The following RBFOX1 variants were observed in gnomAD, a reference collection of about 807,000 sequenced individuals.
RBFOX1 encodes the protein RNA binding protein fox-1 homolog 1.
A neutral mutation model predicts 57.7 loss-of-function variants in RBFOX1; 8 were observed. The ratio of observed to expected loss-of-function variants is 0.14; its 90% confidence interval spans 0.08 to 0.25. RBFOX1 has a LOEUF of 0.25. Ranked by LOEUF, RBFOX1 falls within the 10% of genes least tolerant of loss-of-function variation. The probability of loss-of-function intolerance (pLI) is 1.00; values close to 1 mark genes in which losing one functional copy is unlikely to be tolerated. For synonymous variants in RBFOX1, 326 were observed against 222.4 expected (o/e 1.47, Z -4.15); for missense variants, 611 against 548.5 (o/e 1.11, Z -1.14).
intron 3 of RBFOX1, among the ~76,000 whole-genome samples, chr16:5,775,145 CA>C (rs1470551832): frequency 6.6e-6 from 1 of 152,108 alleles, no homozygotes; most frequent in African/African-American, 2.4e-5. Flanking sequence ...TCCACACCCC[CA>C]AATCAGCTCA....
At chr16:5,752,133 G>A (rs1339873920) in intron 3 of RBFOX1, among the ~76,000 whole-genome samples, 1 of 152,168 alleles carries the variant, frequency 6.6e-6, no homozygotes, top group Non-Finnish European at 1.5e-5. Flanking sequence ...AAAATGAATG[G>A]CACTGGAGGC....
chr16:7,228,657 C>A (rs1421361995), intron 4 of RBFOX1, among the ~76,000 whole-genome samples: 2 of 152,176 alleles, frequency 1.3e-5, no homozygotes, highest in African/African-American at 4.8e-5. Context: ...TTTCTCTTTG[C>A]ACCTGATTGG....
At chr16:7,471,559 A>G (rs916037439) in intron 4 of RBFOX1, among the ~76,000 whole-genome samples, 5 of 152,130 alleles carry the variant, frequency 3.3e-5, no homozygotes, top group African/African-American at 1.2e-4. Flanking sequence ...GGACATTTCA[A>G]AAAAAATGAG....
rs74004679 is a variant in RBFOX1, at chr16:5,887,294, G to C, written c.351+19959G>C. ...GGCCCTGGACACCACAGCAGCCCCA[G>C]TGAATGTAACAACTAGAAATGATGC... On this transcript the variant is annotated intron_variant, in intron 4 of 19. Coordinates refer to the RBFOX1 transcript ENST00000641259. 5.9e-3 allele frequency among the ~76,000 whole-genome samples: 895 copies of C among 152,302 alleles called. 9 individuals are homozygous for C. Among genetic ancestry groups the C allele is most frequent in the African/African-American group, 0.02 (829 of 41,566 alleles).
At chr16:6,658,284 G>T (rs1048717648) in intron 3 of RBFOX1, among the ~76,000 whole-genome samples, 1 of 151,122 alleles carries the variant, frequency 6.6e-6, no homozygotes, top group Non-Finnish European at 1.5e-5. Context: ...CTCAAATCTG[G>T]ATTGCAGTGG....
chr16:6,857,486 C>T (rs2058120974), intron 3 of RBFOX1, among the ~76,000 whole-genome samples: 2 of 152,308 alleles, frequency 1.3e-5, no homozygotes, highest in African/African-American at 2.4e-5. Flanking sequence ...GGGTCTGACT[C>T]ATTGGGCATA....
intron 3 of RBFOX1, among the ~76,000 whole-genome samples, chr16:6,779,939 A>ATATATTTATATATATTTATATATATT (rs1567210458): frequency 1.3e-4 from 1 of 7,446 alleles, no homozygotes; most frequent in Non-Finnish European, 2.3e-4. Flanking sequence ...ATATATATTT[A>ATATATTTATATATATTTATATATATT]TATATATTTA....
intron 2 of RBFOX1, among the ~76,000 whole-genome samples, chr16:6,529,851 G>A (rs1402881166): frequency 6.6e-6 from 1 of 151,900 alleles, no homozygotes; most frequent in African/African-American, 2.4e-5. Context: ...CTAGTTTATT[G>A]AACAGAGTCA....
intron 3 of RBFOX1, among the ~76,000 whole-genome samples, chr16:6,965,383 C>A (rs1467967901): frequency 1.3e-5 from 2 of 151,636 alleles, no homozygotes; most frequent in Non-Finnish European, 2.9e-5. Flanking sequence ...TGGTCTGTTT[C>A]CCAGGCTGTA....
intron 2 of RBFOX1, among the ~76,000 whole-genome samples, chr16:5,490,757 C>G (rs1019830513): frequency 6.6e-6 from 1 of 152,138 alleles, no homozygotes; most frequent in Non-Finnish European, 1.5e-5. Flanking sequence ...ATGAAGCTGC[C>G]GCGCCCCCTG....
chr16:5,565,672 T>TAAATAAA (rs1567236405), intron 2 of RBFOX1, among the ~76,000 whole-genome samples: 13 of 129,144 alleles, frequency 1.0e-4, no homozygotes, highest in African/African-American at 3.6e-4. Flanking sequence ...AAATAAATAA[T>TAAATAAA]TTGCAAGTCG....
chr16:7,373,712 A>G (rs2097622609), intron 4 of RBFOX1, among the ~76,000 whole-genome samples: 1 of 152,202 alleles, frequency 6.6e-6, no homozygotes, highest in Non-Finnish European at 1.5e-5. Context: ...ATTGAAGTTG[A>G]TCATTGCAAT....
chr16:5,607,061 C>T (rs1237692880), intron 3 of RBFOX1, among the ~76,000 whole-genome samples: 1 of 152,158 alleles, frequency 6.6e-6, no homozygotes, highest in Non-Finnish European at 1.5e-5. Flanking sequence ...GCTGGGAGGC[C>T]TTGGTCCCTC....
rs1450877589 is a variant in RBFOX1, at chr16:6,767,938, T to TAAGAAGAAG, written c.-16+113290_-16+113291insGAAGAAGAA. On this transcript the variant is annotated intron_variant, in intron 3 of 15. Coordinates refer to ENST00000550418, the MANE Select transcript of RBFOX1 (RefSeq NM_018723.4). ...TCAATAATAATAATAATAATAATAA[T>TAAGAAGAAG]AATAATAATAAGAAGAAGAAGAAGA... Among the ~76,000 whole-genome samples the TAAGAAGAAG allele has an allele frequency of 3.8e-3, 326 of 84,708 alleles. 1 individual carries two copies. The highest frequency in any genetic ancestry group is 0.011 in the Middle Eastern group (2 of 186). 55.6% of individuals were successfully genotyped at this position (84,708 alleles called of 152,430 possible). A position where few individuals can be genotyped will look rare whatever the true frequency, so the allele number is the denominator to read the frequency against.
At chr16:6,438,815 GT>G (rs78840702) in intron 2 of RBFOX1, among the ~76,000 whole-genome samples, 1 of 152,060 alleles carries the variant, frequency 6.6e-6, no homozygotes, top group Non-Finnish European at 1.5e-5. Context: ...CATGATAAGT[GT>G]TTTTTCTGTG....
intron 4 of RBFOX1, among the ~76,000 whole-genome samples, chr16:5,973,392 A>G (rs1313239345): frequency 2.0e-5 from 3 of 152,130 alleles, no homozygotes; most frequent in Non-Finnish European, 4.4e-5. Context: ...TTTCCTTCAA[A>G]CTCATCATAG....
At chr16:6,788,704 T>C (rs1445318655) in intron 3 of RBFOX1, among the ~76,000 whole-genome samples, 1 of 151,788 alleles carries the variant, frequency 6.6e-6, no homozygotes, top group African/African-American at 2.4e-5. Context: ...CTCTATCTCC[T>C]GATCTCGTGA....
At chr16:5,244,521 C>T (rs1365715736) in intron 1 of RBFOX1, among the ~76,000 whole-genome samples, 1 of 152,204 alleles carries the variant, frequency 6.6e-6, no homozygotes, top group Non-Finnish European at 1.5e-5. Flanking sequence ...TTTGGACCAA[C>T]CTCTGGGTTT....
intron 4 of RBFOX1, among the ~76,000 whole-genome samples, chr16:5,904,582 G>A (rs1364754002): frequency 6.6e-6 from 1 of 151,912 alleles, no homozygotes; most frequent in Non-Finnish European, 1.5e-5. Flanking sequence ...CCCTATCTTG[G>A]GCTAAGATGT....
Sources: allele counts gnomAD v4.1 joint callset (sites outside exome capture counted in the v4.1 genomes callset), GRCh38; gene constraint gnomAD v4.1.1; transcripts MANE v1.5; gene names NCBI Gene and HGNC (gene_info 2026-07-23, HGNC 2026-07-21).